SYNE1: variants seen among roughly 807,000 people sequenced by gnomAD.
SYNE1 encodes nesprin-1.
SYNE1 carries 616 observed loss-of-function variants against 1,111.0 expected under a neutral mutation model. That is an observed-to-expected ratio of 0.55 (90% confidence interval 0.52 to 0.59). The LOEUF (loss-of-function observed/expected upper bound fraction) is 0.59. Ranked by LOEUF, SYNE1 falls within the 20% of genes least tolerant of loss-of-function variation. The probability of loss-of-function intolerance (pLI) is 0.00; values close to 1 mark genes in which losing one functional copy is unlikely to be tolerated. For synonymous variants in SYNE1, 3,855 were observed against 3,825.8 expected, an observed-to-expected ratio of 1.01 and a Z score of -0.28; for missense variants, 10,006 against 10,417.0, an observed-to-expected ratio of 0.96 and a Z score of 1.72.
At chr6:152,153,667 T>A (rs1333942960) in intron 133 of SYNE1, among the ~76,000 whole-genome samples, 1 of 152,224 alleles carries the variant, frequency 6.6e-6, no homozygotes, top group African/African-American at 2.4e-5. Context: ...CACATCGAGA[T>A]GACCTGGAAT....
At chr6:152,573,200 A>C (rs1353998628) in intron 3 of SYNE1, among the ~76,000 whole-genome samples, 1 of 151,740 alleles carries the variant, frequency 6.6e-6, no homozygotes, top group East Asian at 1.9e-4. Context: ...TTATTATTAT[A>C]CTTTAAGTTT....
In SYNE1 at chr6:152,331,200, T is replaced by C. The variant is rs1590230335; in HGVS notation, c.13485A>G (p.Thr4495=). 2 of 1,614,018 alleles carry C rather than the reference T, an allele frequency of 1.2e-6. No individual in the cohort carries two copies. The highest frequency in any genetic ancestry group is 1.3e-5 in the African/African-American group (1 of 75,042). The part of the protein sequence containing the change: ...LPDDVSKQVK[T]CKSAQASLKT... ...TGAGGCTGGCTTGTGCACTCTTACA[T>C]GTTTTGACTTGTTTGCTCACATCAT... is the stretch of plus-strand genomic sequence containing the variant. The change falls in exon 78 of 146, where the codon ACA becomes ACG. Residue 4495 remains threonine (T), a synonymous_variant. Transcript: ENST00000367255.
At chr6:152,405,870 T>C (rs77917391) in intron 45 of SYNE1, among the ~76,000 whole-genome samples, 3,875 of 152,250 alleles carry the variant, frequency 0.025, 184 homozygotes, top group African/African-American at 0.089. Flanking sequence ...ACAAATAAGT[T>C]AGGTAATGCA....
chr6:152,256,738 A>T lies in SYNE1; in HGVS notation c.19000T>A (p.Ser6334Thr). Residue 6334 changes from serine (S) to threonine (T), a missense_variant, in exon 102 of 146, where the codon TCT (serine) becomes ACT (threonine). Ser to Thr is a moderately conservative substitution (Grantham distance 58). Transcript: ENST00000367255. ...VLYSRPNRLL[S>T]GVPLYKGDVP... ...TCCCCTTTGTACAGTGGCACACCAG[A>T]CAAGAGTCGATTTGGCCTGCTATAA... 1.2e-6 allele frequency: 2 copies of T among 1,614,018 alleles called. No homozygotes were observed. The highest frequency in any genetic ancestry group is 1.7e-6 in the Non-Finnish European group (2 of 1,179,904).
In SYNE1 at chr6:152,236,253, T is replaced by G. The variant is rs1276252536; in HGVS notation, c.20250A>C (p.Leu6750Phe). The G allele has an allele frequency of 1.2e-6, 2 of 1,613,998 alleles. No individual in the cohort carries two copies. Among genetic ancestry groups the G allele is most frequent in the Admixed American group, 3.3e-5 (2 of 60,008 alleles). The change falls in exon 110 of 146, where the codon TTA becomes TTC. Residue 6750 changes from leucine to phenylalanine, a missense_variant. Leu to Phe is a conservative substitution (Grantham distance 22). This residue lies in a region of SYNE1 where 2,182 missense variants were observed against 2,287.8 expected (regional missense o/e 0.95). Transcript: ENST00000367255. ...ATATCAGAAGTCGTTTCCCATCATC[T>G]AATACTTGATATAATTTGGGCTGGT... is the stretch of plus-strand genomic sequence containing the variant. The part of the protein sequence containing the change: ...NEYQPKLYQV[L>F]DDGKRLLISI...
intron 74 of SYNE1, among the ~76,000 whole-genome samples, chr6:152,342,578 T>G (rs569457830): frequency 1.3e-5 from 2 of 152,368 alleles, no homozygotes; most frequent in South Asian, 4.1e-4. Flanking sequence ...GACACATTCT[T>G]TATGTGGACT....
At chr6:152,140,227 A>T in intron 139 of SYNE1, 66 bp from the exon 140 acceptor site, 1 of 1,553,910 alleles carries the variant, frequency 6.4e-7, no homozygotes, top group African/African-American at 1.4e-5. Context: ...GAAATGCTTT[A>T]AACATAGGTT....
chr6:152,411,466 G>C (rs2098038635), intron 42 of SYNE1, among the ~76,000 whole-genome samples: 1 of 151,936 alleles, frequency 6.6e-6, no homozygotes, highest in Non-Finnish European at 1.5e-5. Context: ...AAATCATCTT[G>C]TCAATTTCTA....
At chr6:152,213,591 A>T in intron 123 of SYNE1, 21 bp downstream of exon 123, 4 of 1,614,006 alleles carry the variant, frequency 2.5e-6, no homozygotes, top group Non-Finnish European at 3.4e-6. Context: ...TATTACCCCC[A>T]AATCTACTGA....
intron 101 of SYNE1, among the ~76,000 whole-genome samples, chr6:152,257,337 G>A (rs369017331): frequency 1.1e-4 from 17 of 152,148 alleles, no homozygotes; most frequent in East Asian, 5.8e-4. Flanking sequence ...GTTCAAGACC[G>A]GCCTGGCCAA....
At chr6:152,346,760 A>G (rs1231420014) in intron 73 of SYNE1, among the ~76,000 whole-genome samples, 1 of 152,138 alleles carries the variant, frequency 6.6e-6, no homozygotes, top group Non-Finnish European at 1.5e-5. Context: ...CAGTGAGCCG[A>G]GATCGCGCCA....
intron 3 of SYNE1, among the ~76,000 whole-genome samples, chr6:152,565,285 T>G (rs1387622721): frequency 1.3e-5 from 2 of 152,196 alleles, no homozygotes; most frequent in African/African-American, 2.4e-5. Flanking sequence ...TCAATTTATC[T>G]TGACATGTTC....
rs1356394762 is a variant in SYNE1 at position 152,350,343 on chromosome 6, ACCAGGTGT to A, written c.11734-16_11734-9del. 6.2e-7 allele frequency: 1 copy of A among 1,614,012 alleles called. No individual in the cohort carries two copies. Among genetic ancestry groups the A allele is most frequent in the African/African-American group, 1.3e-5 (1 of 74,910 alleles). ...CAGACTGAAGACATGCTCCTGCAAA[ACCAGGTGT>A]CCATCAGAGATGACTTTCAAGTGAA... On this transcript the variant is annotated splice_polypyrimidine_tract_variant and intron_variant, in intron 71 of 145. Transcript: ENST00000367255.
intron 46 of SYNE1, chr6:152,402,402 C>T (rs983166938): frequency 6.6e-6 from 1 of 152,152 alleles, no homozygotes; most frequent in Admixed American, 6.5e-5. Context: ...CTATAATATC[C>T]TCATATGGTG....
intron 25 of SYNE1, among the ~76,000 whole-genome samples, chr6:152,452,777 G>A (rs546300212): frequency 5.9e-5 from 9 of 152,312 alleles, no homozygotes; most frequent in African/African-American, 1.9e-4. Flanking sequence ...GCCTCCATGG[G>A]ACAGACTCAG....
chr6:152,435,711 A>G, intron 33 of SYNE1: 2 of 587,366 alleles, frequency 3.4e-6, no homozygotes, highest in Non-Finnish European at 6.0e-6. Flanking sequence ...CATGAACATG[A>G]TCAGTTTAAG....
intron 28 of SYNE1, among the ~76,000 whole-genome samples, chr6:152,448,039 AT>A (rs2154246305): frequency 6.6e-6 from 1 of 152,342 alleles, no homozygotes; most frequent in Non-Finnish European, 1.5e-5. Context: ...CAACCAGCTG[AT>A]TTCTTTTATT....
chr6:152,246,047 G>C (rs1018983013), intron 105 of SYNE1, among the ~76,000 whole-genome samples: 3 of 152,120 alleles, frequency 2.0e-5, no homozygotes, highest in South Asian at 4.1e-4. Flanking sequence ...CCAGAGATGA[G>C]AGGGAAAAAT....
At chr6:152,249,871 A>G (rs1453294429) in intron 104 of SYNE1, among the ~76,000 whole-genome samples, 1 of 152,220 alleles carries the variant, frequency 6.6e-6, no homozygotes, top group East Asian at 1.9e-4. Flanking sequence ...TAAATGTCCA[A>G]ATATATTTAT....
Sources: allele counts gnomAD v4.1 joint callset (sites outside exome capture counted in the v4.1 genomes callset), GRCh38; gene constraint gnomAD v4.1.1; regional missense constraint gnomAD v4.1.1; transcripts MANE v1.5; gene names NCBI Gene and HGNC (gene_info 2026-07-23, HGNC 2026-07-21).